The following QTMAN variants were observed in gnomAD, a reference collection of about 807,000 sequenced individuals.
The protein encoded by QTMAN is queuosine-tRNA mannosyltransferase.
At chr2:144,174,352 C>A in the QTMAN span, among the ~76,000 whole-genome samples, 1 of 152,168 alleles carries the variant, frequency 6.6e-6, no homozygotes, top group African/African-American at 2.4e-5. Flanking sequence ...GATGTCATAG[C>A]CTCCCCCCTC....
chr2:144,019,433 C>CAGGT, the QTMAN span, among the ~76,000 whole-genome samples: 1 of 67,396 alleles, frequency 1.5e-5, no homozygotes, highest in Non-Finnish European at 3.8e-5. Context: ...CATAAGCATG[C>CAGGT]AGGTGTGTGT....
chr2:144,241,999 T>G, the QTMAN span, among the ~76,000 whole-genome samples: 1 of 152,168 alleles, frequency 6.6e-6, no homozygotes, highest in African/African-American at 2.4e-5. Context: ...TTCATGAGAT[T>G]GGAGCTCAGA....
the QTMAN span, among the ~76,000 whole-genome samples, chr2:144,045,221 G>A: frequency 1.3e-5 from 2 of 152,204 alleles, no homozygotes; most frequent in African/African-American, 4.8e-5. Context: ...GTACAGTCTG[G>A]TCTTAAGTAA....
At chr2:144,069,319 A>G in the QTMAN span, among the ~76,000 whole-genome samples, 1 of 151,394 alleles carries the variant, frequency 6.6e-6, no homozygotes, top group Admixed American at 6.6e-5. Flanking sequence ...AAAAACACCT[A>G]CAACTTCCTT....
chr2:144,103,884 G>A, the QTMAN span, among the ~76,000 whole-genome samples: 1 of 152,086 alleles, frequency 6.6e-6, no homozygotes, highest in Non-Finnish European at 1.5e-5. Context: ...GAGGTCAGGA[G>A]CTCAAGAGCA....
At chr2:144,133,193 ATATATATATATTTATATAT>A in the QTMAN span, among the ~76,000 whole-genome samples, 1 of 67,914 alleles carries the variant, frequency 1.5e-5, no homozygotes, top group African/African-American at 1.0e-4. Flanking sequence ...ATATAAATTT[ATATATATATATTTATATAT>A]ACATATATAA....
the QTMAN span, among the ~76,000 whole-genome samples, chr2:144,057,573 G>C: frequency 7.7e-4 from 117 of 152,266 alleles, no homozygotes; most frequent in African/African-American, 2.7e-3. Flanking sequence ...AACTATGTGT[G>C]CTAATGTTTC....
the QTMAN span, chr2:144,208,511 G>T: frequency 9.3e-7 from 1 of 1,080,908 alleles, no homozygotes. Context: ...TCCATAGTTG[G>T]AGAAATTCTC....
the QTMAN span, among the ~76,000 whole-genome samples, chr2:143,976,836 C>T: frequency 6.6e-6 from 1 of 152,216 alleles, no homozygotes; most frequent in African/African-American, 2.4e-5. Flanking sequence ...ATCCATGTGG[C>T]TTTCTGCAAA....
At chr2:144,330,079 T>C in the QTMAN span, among the ~76,000 whole-genome samples, 1 of 152,186 alleles carries the variant, frequency 6.6e-6, no homozygotes, top group African/African-American at 2.4e-5. Flanking sequence ...CACTTTGAAA[T>C]GCGAGATTGG....
chr2:144,293,959 T>C, the QTMAN span, among the ~76,000 whole-genome samples: 1 of 152,160 alleles, frequency 6.6e-6, no homozygotes, highest in Non-Finnish European at 1.5e-5. Flanking sequence ...TATAAGTACA[T>C]ATAAACATAA....
chr2:144,139,265 C>A, the QTMAN span, among the ~76,000 whole-genome samples: 1 of 151,936 alleles, frequency 6.6e-6, no homozygotes, highest in South Asian at 2.1e-4. Flanking sequence ...GATTATAGGA[C>A]TGTGAGAGGC....
chr2:143,957,543 C>T, the QTMAN span, among the ~76,000 whole-genome samples: 1 of 152,000 alleles, frequency 6.6e-6, no homozygotes, highest in Non-Finnish European at 1.5e-5. Context: ...AGCAAAGGCC[C>T]GCCTCGCCAC....
the QTMAN span, chr2:144,208,775 T>C: frequency 6.2e-7 from 1 of 1,611,338 alleles, no homozygotes; most frequent in Non-Finnish European, 8.5e-7. Context: ...ATGATGAGGA[T>C]ACTCATTGGC....
the QTMAN span, among the ~76,000 whole-genome samples, chr2:144,215,273 TACACAC>T: frequency 1.6e-3 from 231 of 143,864 alleles, no homozygotes; most frequent in African/African-American, 5.5e-3. Context: ...TATATATATA[TACACAC>T]ACACACACAC....
chr2:144,117,193 C>T, the QTMAN span, among the ~76,000 whole-genome samples: 1 of 152,196 alleles, frequency 6.6e-6, no homozygotes, highest in African/African-American at 2.4e-5. Flanking sequence ...GTTCTTCACT[C>T]CGATCTGCAC....
chr2:144,010,386 G>A, the QTMAN span, among the ~76,000 whole-genome samples: 1 of 152,096 alleles, frequency 6.6e-6, no homozygotes, highest in Admixed American at 6.6e-5. Context: ...AGTGAATAGG[G>A]ACATGGAAAG....
chr2:144,217,923 C>T, the QTMAN span, among the ~76,000 whole-genome samples: 32 of 152,264 alleles, frequency 2.1e-4, no homozygotes, highest in Admixed American at 1.8e-3. Context: ...ACTTATCACA[C>T]GTAGGATATA....
the QTMAN span, among the ~76,000 whole-genome samples, chr2:144,242,854 TGGGAGGCTGAG>T: frequency 6.7e-6 from 1 of 149,808 alleles, no homozygotes; most frequent in Non-Finnish European, 1.5e-5. Flanking sequence ...CCCAGCACTT[TGGGAGGCTGAG>T]ACATGAGAAT....
Sources: gnomAD v4.1 joint callset for allele counts (sites outside exome capture counted in the v4.1 genomes callset) on GRCh38, gnomAD v4.1.1 for gene constraint, MANE v1.5 for transcripts, NCBI Gene and HGNC (gene_info 2026-07-23, HGNC 2026-07-21) for gene names.